The following TIMD4 variants were observed in gnomAD, a reference collection of about 807,000 sequenced individuals.
TIMD4 encodes T-cell immunoglobulin and mucin domain-containing protein 4.
Under a neutral mutation model 41.2 loss-of-function variants are expected in TIMD4, and 31 were observed. The observed-to-expected ratio is 0.75, with a 90% CI of 0.57 to 1.01. TIMD4 has a LOEUF of 1.01. Ranked by LOEUF, TIMD4 falls within the 50% of genes least tolerant of loss-of-function variation. TIMD4 has a pLI of 0.00. For synonymous variants in TIMD4, 204 were observed against 177.1 expected (o/e 1.15, Z -1.21); for missense variants, 479 against 472.5 (o/e 1.01, Z -0.13).
chr5:156,924,169 C>G, intron 6 of TIMD4: 2 of 436,862 alleles, frequency 4.6e-6, no homozygotes, highest in East Asian at 6.0e-5. Flanking sequence ...TGAGCCTACT[C>G]ACCTTCAAAG....
At chr5:156,941,326 AT>A (rs1463466815) in intron 5 of TIMD4, among the ~76,000 whole-genome samples, 1 of 152,196 alleles carries the variant, frequency 6.6e-6, no homozygotes, top group Non-Finnish European at 1.5e-5. Flanking sequence ...ACTAAAAAAA[AT>A]TAAAAAAATG....
At chr5:156,960,677 GATT>G (rs910936182) in intron 1 of TIMD4, among the ~76,000 whole-genome samples, 1 of 152,154 alleles carries the variant, frequency 6.6e-6, no homozygotes, top group Non-Finnish European at 1.5e-5. Flanking sequence ...AAAATGCCAG[GATT>G]ATAGGCATGA....
At chr5:156,958,187 G>A (rs941654437) in intron 1 of TIMD4, among the ~76,000 whole-genome samples, 5 of 151,962 alleles carry the variant, frequency 3.3e-5, no homozygotes, top group African/African-American at 9.7e-5. Flanking sequence ...CAGGAGAATC[G>A]TTTGAACCCG....
intron 7 of TIMD4, among the ~76,000 whole-genome samples, chr5:156,921,455 A>G (rs1475355851): frequency 1.3e-5 from 2 of 151,700 alleles, no homozygotes; most frequent in Non-Finnish European, 1.5e-5. Context: ...ACCCCCTCCT[A>G]CTAAACATAC....
chr5:156,929,962 T>C (rs566365240), intron 5 of TIMD4, among the ~76,000 whole-genome samples: 9 of 152,314 alleles, frequency 5.9e-5, no homozygotes, highest in East Asian at 3.9e-4. Context: ...TAAAATTCCA[T>C]TGAACATTAT....
At chr5:156,930,202 T>TAGGG (rs1470084453) in intron 5 of TIMD4, among the ~76,000 whole-genome samples, 1 of 152,130 alleles carries the variant, frequency 6.6e-6, no homozygotes, top group African/African-American at 2.4e-5. Context: ...CCTCAAGTGA[T>TAGGG]ACGCACGCCT....
chr5:156,936,859 G>C (rs1581618097), intron 5 of TIMD4, among the ~76,000 whole-genome samples: 1 of 151,454 alleles, frequency 6.6e-6, no homozygotes, highest in Non-Finnish European at 1.5e-5. Context: ...TTGAACATGG[G>C]AGGCAGAGGT....
At chr5:156,936,698 C>T (rs1759545399) in intron 5 of TIMD4, among the ~76,000 whole-genome samples, 1 of 151,826 alleles carries the variant, frequency 6.6e-6, no homozygotes, top group Non-Finnish European at 1.5e-5. Flanking sequence ...GGGCAGATCA[C>T]CTGAGGTCAA....
At chr5:156,952,513 T>C (rs1398085936) in intron 2 of TIMD4, among the ~76,000 whole-genome samples, 1 of 152,078 alleles carries the variant, frequency 6.6e-6, no homozygotes, top group Non-Finnish European at 1.5e-5. Context: ...TCTTTGAATA[T>C]ATCAGCAACC....
intron 5 of TIMD4, among the ~76,000 whole-genome samples, chr5:156,947,933 C>A (rs1187904782): frequency 6.6e-6 from 1 of 152,062 alleles, no homozygotes; most frequent in African/African-American, 2.4e-5. Flanking sequence ...AATAAAAAAA[C>A]AAAATTTGAA....
intron 1 of TIMD4, among the ~76,000 whole-genome samples, chr5:156,960,446 A>G (rs1455959050): frequency 1.3e-4 from 17 of 133,134 alleles, no homozygotes; most frequent in Non-Finnish European, 2.3e-4. Context: ...TCACTCTGTC[A>G]CCCAGGCTGG....
chr5:156,944,072 AAG>A lies in TIMD4; in HGVS notation c.844+4342_844+4343del, dbSNP rs200340095. ...TGAGACTCTGTCTCAAAAAAAAAAAAAGAAATAAAGAAATAAAATTAATCCCA... is the reference window on the plus strand; with the variant it reads ...TGAGACTCTGTCTCAAAAAAAAAAAAAAATAAAGAAATAAAATTAATCCCA... On this transcript the variant is annotated intron_variant, in intron 5 of 8. Coordinates refer to ENST00000274532, the MANE Select transcript of TIMD4 (RefSeq NM_138379.3). Among the ~76,000 whole-genome samples, 1,385 of 151,818 alleles carry A rather than the reference AAG, an allele frequency of 9.1e-3. 19 individuals are homozygous for A. The highest frequency in any genetic ancestry group is 0.032 in the African/African-American group (1,308 of 41,268).
chr5:156,934,648 A>T (rs1274652148), intron 5 of TIMD4, among the ~76,000 whole-genome samples: 1 of 152,160 alleles, frequency 6.6e-6, no homozygotes, highest in Non-Finnish European at 1.5e-5. Flanking sequence ...CTGAGGCTGA[A>T]AGAAGTTACA....
chr5:156,949,698 C>T lies in TIMD4; in HGVS notation c.713G>A (p.Ser238Asn). The T allele has an allele frequency of 6.2e-7, 1 of 1,613,548 alleles. No homozygotes were observed. The highest frequency in any genetic ancestry group is 1.1e-5 in the South Asian group (1 of 91,062). Residue 238 changes from serine to asparagine, a missense_variant, in exon 4 of 9, where the codon AGT becomes AAT. Coordinates refer to ENST00000274532, the MANE Select transcript of TIMD4 (RefSeq NM_138379.3). The stretch of plus-strand genomic sequence containing the variant: ...GTCAGCAGAAGTAGACTCAACACTA[C>T]TCCAGGAATCACTGGGGAGGACAGT... The part of the protein sequence containing the change: ...SETVLPSDSW[S>N]SVESTSADTV...
Position 156,954,495 on chromosome 5 carries a change from C to T in TIMD4, c.320G>A (p.Ser107Asn). ...LTILNPSESD[S>N]GVYCCRIEVP... Reference sequence around the variant, plus strand: ...TTCTATGCGGCAGCAGTACACACCGCTGTCACTTTCACTGGGGTTTAAGAT... The same window carrying T: ...TTCTATGCGGCAGCAGTACACACCGTTGTCACTTTCACTGGGGTTTAAGAT... The change falls in exon 2 of 9, where the codon AGC becomes AAC. Residue 107 changes from serine to asparagine, a missense_variant. Transcript: ENST00000274532. 1 of 1,614,264 alleles carries T rather than the reference C, an allele frequency of 6.2e-7. No individual in the cohort carries two copies. The highest frequency in any genetic ancestry group is 8.5e-7 in the Non-Finnish European group (1 of 1,180,054).
intron 5 of TIMD4, among the ~76,000 whole-genome samples, chr5:156,931,457 CTTAAA>C (rs1581613497): frequency 6.6e-6 from 1 of 152,308 alleles, no homozygotes; most frequent in East Asian, 1.9e-4. Context: ...TATGATGTAT[CTTAAA>C]TTAATTAAAA....
chr5:156,936,773 GA>G (rs892193626), intron 5 of TIMD4, among the ~76,000 whole-genome samples: 3 of 149,128 alleles, frequency 2.0e-5, no homozygotes, highest in African/African-American at 4.9e-5. Context: ...AAAAAAAAAA[GA>G]AAAAAAAATT....
At chr5:156,958,238 C>T (rs1291786168) in intron 1 of TIMD4, among the ~76,000 whole-genome samples, 1 of 151,338 alleles carries the variant, frequency 6.6e-6, no homozygotes, top group Non-Finnish European at 1.5e-5. Flanking sequence ...CACCATTGCA[C>T]TCCAGCCTCG....
intron 5 of TIMD4, among the ~76,000 whole-genome samples, chr5:156,930,841 T>C (rs770224364): frequency 3.9e-5 from 6 of 152,210 alleles, no homozygotes; most frequent in Non-Finnish European, 7.3e-5. Flanking sequence ...GTCAGCAAAA[T>C]AATGACACCC....
Sources: gnomAD v4.1 joint callset for allele counts (sites outside exome capture counted in the v4.1 genomes callset) on GRCh38, gnomAD v4.1.1 for gene constraint, MANE v1.5 for transcripts, NCBI Gene and HGNC (gene_info 2026-07-23, HGNC 2026-07-21) for gene names.